RBFOX1: variants seen among roughly 807,000 people sequenced by gnomAD.
RBFOX1 encodes the protein RNA binding fox-1 homolog 1, also known as RNA binding protein fox-1 homolog 1.
RBFOX1 carries 8 observed loss-of-function variants against 57.7 expected under a neutral mutation model. The ratio of observed to expected loss-of-function variants is 0.14; its 90% CI spans 0.08 to 0.25. The LOEUF (loss-of-function observed/expected upper bound fraction) is 0.25, where lower values mean the gene tolerates loss of function less well. Among genes scored for constraint, RBFOX1 ranks in the 10% least tolerant of loss-of-function variants. The probability of loss-of-function intolerance (pLI) is 1.00; values close to 1 mark genes in which losing one functional copy is unlikely to be tolerated. For missense variants in RBFOX1, 611 were observed against 548.5 expected (o/e 1.11, Z -1.14); for synonymous variants, 326 against 222.4 (o/e 1.47, Z -4.15).
chr16:6,883,945 C>A (rs1039564609), intron 3 of RBFOX1, among the ~76,000 whole-genome samples: 1 of 152,238 alleles, frequency 6.6e-6, no homozygotes, highest in South Asian at 2.1e-4. Context: ...GACGTTGCTA[C>A]TTGCCACGGT....
intron 2 of RBFOX1, among the ~76,000 whole-genome samples, chr16:6,489,310 G>A (rs963838384): frequency 1.3e-5 from 2 of 152,074 alleles, no homozygotes; most frequent in African/African-American, 4.8e-5. Flanking sequence ...TAAAGGTTTG[G>A]CACATAGGTT....
chr16:6,883,798 T>C (rs2063420519), intron 3 of RBFOX1, among the ~76,000 whole-genome samples: 2 of 152,154 alleles, frequency 1.3e-5, no homozygotes, highest in Non-Finnish European at 2.9e-5. Context: ...GAAGAGGTTT[T>C]TTTTTTTCTT....
intron 4 of RBFOX1, among the ~76,000 whole-genome samples, chr16:7,284,995 C>A (rs2095620802): frequency 6.6e-6 from 1 of 151,146 alleles, no homozygotes; most frequent in Non-Finnish European, 1.5e-5. Flanking sequence ...CTCCGTTGCC[C>A]AATGGAATGC....
At chr16:6,663,950 G>T (rs2098716644) in intron 3 of RBFOX1, among the ~76,000 whole-genome samples, 1 of 152,210 alleles carries the variant, frequency 6.6e-6, no homozygotes, top group African/African-American at 2.4e-5. Context: ...GCTCAAAGCA[G>T]GCAAAGGCTA....
chr16:6,721,794 G>A (rs1247340682), intron 3 of RBFOX1: 1 of 152,148 alleles, frequency 6.6e-6, no homozygotes, highest in African/African-American at 2.4e-5. Context: ...GCTTCCTTTT[G>A]GGCGTGGAAA....
chr16:5,819,597 C>T (rs1156623651), intron 3 of RBFOX1, among the ~76,000 whole-genome samples: 1 of 152,162 alleles, frequency 6.6e-6, no homozygotes, highest in Non-Finnish European at 1.5e-5. Context: ...TGCCATTTAC[C>T]TCTTGGAAGA....
intron 2 of RBFOX1, among the ~76,000 whole-genome samples, chr16:5,545,375 G>T (rs1017976430): frequency 8.5e-5 from 13 of 152,132 alleles, no homozygotes; most frequent in African/African-American, 2.7e-4. Context: ...GACAGGTATT[G>T]CCCTAATAGC....
At chr16:7,302,073 A>G (rs1338594530) in intron 4 of RBFOX1, among the ~76,000 whole-genome samples, 1 of 152,188 alleles carries the variant, frequency 6.6e-6, no homozygotes, top group Non-Finnish European at 1.5e-5. Context: ...AAAGCAGTAC[A>G]GAATAGCAGC....
At chr16:7,246,817 C>G (rs988728431) in intron 4 of RBFOX1, among the ~76,000 whole-genome samples, 1 of 152,164 alleles carries the variant, frequency 6.6e-6, no homozygotes. Context: ...GGCTGACTGA[C>G]TGATCAAAGA....
At chr16:5,275,397 C>T (rs1325953899) in intron 1 of RBFOX1, among the ~76,000 whole-genome samples, 4 of 152,074 alleles carry the variant, frequency 2.6e-5, no homozygotes, top group African/African-American at 9.7e-5. Flanking sequence ...GTGCTATACA[C>T]CAACAGCAAC....
chr16:6,867,488 A>G (rs1344039613), intron 3 of RBFOX1, among the ~76,000 whole-genome samples: 1 of 151,990 alleles, frequency 6.6e-6, no homozygotes, highest in Admixed American at 6.6e-5. Flanking sequence ...GGGGGCCGAG[A>G]CAGGCGGATC....
chr16:7,627,569 C>G (rs1402272681), intron 10 of RBFOX1, among the ~76,000 whole-genome samples: 1 of 152,208 alleles, frequency 6.6e-6, no homozygotes, highest in African/African-American at 2.4e-5. Flanking sequence ...GCTCAGTGGA[C>G]TCAATGAAGA....
intron 3 of RBFOX1, among the ~76,000 whole-genome samples, chr16:6,801,129 C>G (rs2085334301): frequency 6.7e-6 from 1 of 149,028 alleles, no homozygotes; most frequent in African/African-American, 2.5e-5. Context: ...TTAAGCATTT[C>G]TGATATGCTC....
chr16:6,685,439 C>G (rs78811823), intron 3 of RBFOX1, among the ~76,000 whole-genome samples: 10 of 87,432 alleles, frequency 1.1e-4, no homozygotes, highest in Non-Finnish European at 2.4e-4. Flanking sequence ...CTATACCCAG[C>G]TAATTTTTTT....
At chr16:7,560,340 T>C (rs1232005001) in intron 5 of RBFOX1, among the ~76,000 whole-genome samples, 1 of 152,206 alleles carries the variant, frequency 6.6e-6, no homozygotes, top group Non-Finnish European at 1.5e-5. Flanking sequence ...CCAAATTTCA[T>C]GTCTTCAGTT....
chr16:5,409,207 C>T (rs941865913), intron 1 of RBFOX1, among the ~76,000 whole-genome samples: 29 of 152,288 alleles, frequency 1.9e-4, no homozygotes, highest in African/African-American at 6.7e-4. Context: ...TTTAAATGGC[C>T]ACAGACGATC....
At chr16:6,835,044 C>A (rs1243591819) in intron 3 of RBFOX1, among the ~76,000 whole-genome samples, 3 of 152,030 alleles carry the variant, frequency 2.0e-5, no homozygotes, top group East Asian at 1.9e-4. Context: ...AGGCGCCCAA[C>A]ACCATGCCCC....
At chr16:6,850,610 C>G (rs758739606) in intron 3 of RBFOX1, among the ~76,000 whole-genome samples, 2 of 152,162 alleles carry the variant, frequency 1.3e-5, no homozygotes, top group Admixed American at 1.3e-4. Context: ...CTTCCCATGC[C>G]TTCCACAGAT....
intron 2 of RBFOX1, among the ~76,000 whole-genome samples, chr16:6,343,094 A>C (rs758831492): frequency 6.6e-6 from 1 of 152,198 alleles, no homozygotes; most frequent in Non-Finnish European, 1.5e-5. Context: ...TAAAGTGGGC[A>C]GATGGAAAAA....
Sources: allele counts gnomAD v4.1 joint callset (sites outside exome capture counted in the v4.1 genomes callset), GRCh38; gene constraint gnomAD v4.1.1; transcripts MANE v1.5; gene names NCBI Gene and HGNC (gene_info 2026-07-23, HGNC 2026-07-21).